Variants in JMJD1C observed in about 807,000 individuals in gnomAD.
The protein encoded by JMJD1C is jumonji domain containing 1C, also known as jumonji domain-containing protein 1C.
JMJD1C carries 31 observed loss-of-function variants against 245.3 expected under a neutral mutation model. The ratio of observed to expected loss-of-function variants is 0.13; its 90% CI spans 0.09 to 0.17. JMJD1C has a LOEUF of 0.17. Ranked by LOEUF, JMJD1C falls within the 10% of genes least tolerant of loss-of-function variation. The probability of loss-of-function intolerance (pLI) is 1.00; values close to 1 mark genes in which losing one functional copy is unlikely to be tolerated. For synonymous variants in JMJD1C, 1,057 were observed against 1,017.4 expected (o/e 1.04, Z -0.74); for missense variants, 2,691 against 3,000.2 (o/e 0.90, Z 2.41).
At chr10:63,344,573 A>C (rs868013267) in intron 2 of JMJD1C, among the ~76,000 whole-genome samples, 5 of 152,326 alleles carry the variant, frequency 3.3e-5, no homozygotes, top group African/African-American at 1.2e-4. Flanking sequence ...CTGACCCATG[A>C]AAGAAATAAA....
rs946159513 is a variant in JMJD1C at position 63,264,721 on chromosome 10, G to A, written c.377C>T (p.Thr126Ile). 6.2e-7 allele frequency: 1 copy of A among 1,600,992 alleles called. No homozygotes were observed. The highest frequency in any genetic ancestry group is 8.5e-7 in the Non-Finnish European group (1 of 1,173,134). Reference protein sequence around the residue: ...LVERNIPSSVTAVEFLVDKQL... With the variant: ...LVERNIPSSVIAVEFLVDKQL... ...CTTATCTACAAGGAATTCTACTGCA[G>A]TGACTGAACTGGGTATATTTCTTTC... Residue 126 changes from threonine to isoleucine, a missense_variant, in exon 3 of 26, where the codon ACT (threonine) becomes ATT (isoleucine). Thr to Ile is a moderately conservative substitution (Grantham distance 89, BLOSUM62 -1). Transcript: ENST00000399262.
At position 63,391,638 on chromosome 10, in the gene JMJD1C, GATGA is replaced by G. The variant is rs1468473837; in HGVS notation, c.169-11160_169-11157del. Among the ~76,000 whole-genome samples, 4 of 152,104 alleles carry G rather than the reference GATGA, an allele frequency of 2.6e-5. No individual in the cohort carries two copies. In the East Asian group the frequency reaches 7.7e-4, roughly 29 times the overall value. On this transcript the variant is annotated intron_variant, in intron 1 of 25. Coordinates refer to ENST00000399262, the MANE Select transcript of JMJD1C (RefSeq NM_032776.3). Reference sequence around the variant, plus strand: ...TGCCTACAATGAAAACTACAAAACAGATGAATGAAACTGAAGACACAAATAGAAA... The same window carrying G: ...TGCCTACAATGAAAACTACAAAACAGATGAAACTGAAGACACAAATAGAAA...
At chr10:63,420,580 C>T (rs1246464867) in intron 1 of JMJD1C, among the ~76,000 whole-genome samples, 1 of 150,566 alleles carries the variant, frequency 6.6e-6, no homozygotes, top group African/African-American at 2.4e-5. Context: ...TGGCACACGC[C>T]TTTAGTCCCA....
intron 1 of JMJD1C, among the ~76,000 whole-genome samples, chr10:63,421,706 C>A (rs1267320901): frequency 6.6e-6 from 1 of 152,126 alleles, no homozygotes; most frequent in Non-Finnish European, 1.5e-5. Context: ...ATGGGTGAGA[C>A]CCTGAAGTGA....
chr10:63,243,417 T>C (rs150308742), intron 3 of JMJD1C, among the ~76,000 whole-genome samples: 5 of 151,802 alleles, frequency 3.3e-5, no homozygotes, highest in African/African-American at 9.7e-5. Context: ...TCCCAGCTAC[T>C]TGGGAGGCTG....
chr10:63,207,494 C>T lies in JMJD1C; in HGVS notation c.4175G>A (p.Cys1392Tyr), dbSNP rs1846777353. The stretch of plus-strand genomic sequence containing the variant: ...TGTGATTACATCCGTTTTGGTATTA[C>T]ACATCGTATTTACAGCAGACATGAC... ...SSVMSAVNTM[C>Y]NTKTDVITSA... The change falls in exon 10 of 26, where the codon TGT (cysteine) becomes TAT (tyrosine). Residue 1392 changes from cysteine to tyrosine, a missense_variant. By Grantham distance (194) the Cys-to-Tyr change is radical (BLOSUM62 -2). Around this residue, in one of 9 missense-constraint regions of JMJD1C, gnomAD observed 1,562 missense variants for 1,490.7 expected, o/e 1.05. Coordinates refer to ENST00000399262, the MANE Select transcript of JMJD1C (RefSeq NM_032776.3). The T allele has an allele frequency of 1.2e-6, 2 of 1,614,208 alleles. No homozygotes were observed. The highest frequency in any genetic ancestry group is 2.2e-5 in the East Asian group (1 of 44,882).
chr10:63,451,527 A>G (rs1461401347), intron 1 of JMJD1C, among the ~76,000 whole-genome samples: 2 of 152,252 alleles, frequency 1.3e-5, no homozygotes, highest in Non-Finnish European at 2.9e-5. Context: ...AAAATACAGT[A>G]TAACAACTAT....
At chr10:63,460,210 T>C (rs1264058204) in intron 1 of JMJD1C, among the ~76,000 whole-genome samples, 1 of 151,982 alleles carries the variant, frequency 6.6e-6, no homozygotes, top group Non-Finnish European at 1.5e-5. Context: ...AAACAAAAAA[T>C]TTACAATTAA....
At chr10:63,290,946 C>A (rs1858602500) in intron 2 of JMJD1C, among the ~76,000 whole-genome samples, 1 of 151,926 alleles carries the variant, frequency 6.6e-6, no homozygotes, top group South Asian at 2.1e-4. Context: ...AAAACATGTC[C>A]AAACACTCAT....
intron 2 of JMJD1C, among the ~76,000 whole-genome samples, chr10:63,265,548 T>C (rs1245399738): frequency 6.6e-6 from 1 of 152,188 alleles, no homozygotes; most frequent in Admixed American, 6.5e-5. Flanking sequence ...AATGTATAAA[T>C]TTCTTTATGA....
intron 1 of JMJD1C, among the ~76,000 whole-genome samples, chr10:63,424,493 A>ATTT (rs1950314903): frequency 1.1e-5 from 1 of 89,266 alleles, no homozygotes; most frequent in Non-Finnish European, 2.3e-5. Context: ...AACCATTATT[A>ATTT]TTTCTTTTTT....
At chr10:63,516,827 C>T (rs1384512343) in intron 1 of JMJD1C, among the ~76,000 whole-genome samples, 1 of 152,152 alleles carries the variant, frequency 6.6e-6, no homozygotes, top group African/African-American at 2.4e-5. Context: ...AGAACCTAAT[C>T]TTTTTATTCT....
At chr10:63,192,263 A>G (rs950560592) in intron 16 of JMJD1C, among the ~76,000 whole-genome samples, 2 of 27,890 alleles carry the variant, frequency 7.2e-5, no homozygotes, top group African/African-American at 6.0e-5. Context: ...AAAACTAAAA[A>G]AAAAAAAAAA....
chr10:63,463,550 AGTTTC>A (rs1952950755), intron 1 of JMJD1C, among the ~76,000 whole-genome samples: 1 of 152,230 alleles, frequency 6.6e-6, no homozygotes, highest in Admixed American at 6.5e-5. Context: ...AACTGTTCCA[AGTTTC>A]GTTTAAGAAA....
At chr10:63,217,129 A>G in intron 5 of JMJD1C, 78 bp downstream of exon 5, 1 of 1,276,694 alleles carries the variant, frequency 7.8e-7, no homozygotes, top group Non-Finnish European at 1.1e-6. Flanking sequence ...TTTAGTATCA[A>G]ATTGTTGATG....
intron 1 of JMJD1C, among the ~76,000 whole-genome samples, chr10:63,393,341 G>C (rs867245297): frequency 1.3e-5 from 2 of 152,128 alleles, no homozygotes; most frequent in African/African-American, 2.4e-5. Flanking sequence ...ACCACAACGA[G>C]ATCTTACTCG....
chr10:63,424,108 T>C (rs1049348101), intron 1 of JMJD1C, among the ~76,000 whole-genome samples: 3 of 152,204 alleles, frequency 2.0e-5, no homozygotes, highest in East Asian at 1.9e-4. Context: ...AAGATCTTAC[T>C]GTCAGCATTA....
intron 1 of JMJD1C, among the ~76,000 whole-genome samples, chr10:63,497,801 G>A (rs990707718): frequency 2.0e-5 from 3 of 152,138 alleles, no homozygotes; most frequent in Non-Finnish European, 1.5e-5. Context: ...AAAACCCTAA[G>A]TACCTGGGAA....
At chr10:63,337,573 G>GAA (rs1352028225) in intron 2 of JMJD1C, among the ~76,000 whole-genome samples, 9 of 60,992 alleles carry the variant, frequency 1.5e-4, no homozygotes, top group African/African-American at 1.0e-3. Flanking sequence ...GAAAAGAAAA[G>GAA]AAAAGAAAAG....
Sources: allele counts gnomAD v4.1 joint callset (sites outside exome capture counted in the v4.1 genomes callset), GRCh38; gene constraint gnomAD v4.1.1; regional missense constraint gnomAD v4.1.1; transcripts MANE v1.5; gene names NCBI Gene and HGNC (gene_info 2026-07-23, HGNC 2026-07-21).